DIS3L2: variants seen among roughly 807,000 people sequenced by gnomAD.
DIS3L2 encodes DIS3-like exonuclease 2.
DIS3L2 carries 34 observed loss-of-function variants against 97.5 expected under a neutral mutation model. The observed-to-expected ratio is 0.35, with a 90% CI of 0.27 to 0.46. The LOEUF is 0.46. DIS3L2 is among the 20% of genes least tolerant of loss of function. The pLI is 1.00. For missense variants in DIS3L2, 1,038 were observed against 1,146.0 expected, an observed-to-expected ratio of 0.91 and a Z score of 1.36; for synonymous variants, 435 against 445.2, an observed-to-expected ratio of 0.98 and a Z score of 0.29.
chr2:232,334,308 C>G (rs1695868085), intron 17 of DIS3L2, 61 bp from the exon 18 acceptor site: 6 of 1,572,388 alleles, frequency 3.8e-6, no homozygotes, highest in Non-Finnish European at 5.2e-6. Context: ...GCCCATCCCC[C>G]AGCCATAGCT....
chr2:232,191,086 A>C (rs2106195969), intron 9 of DIS3L2, among the ~76,000 whole-genome samples: 2 of 152,282 alleles, frequency 1.3e-5, no homozygotes, highest in South Asian at 4.1e-4. Context: ...GATTATAGTC[A>C]ACTGAGGAGG....
In DIS3L2 at chr2:232,320,814, T is replaced by C. The variant is rs1695411065; in HGVS notation, c.1740-8999T>C. On this transcript the variant is annotated intron_variant, in intron 14 of 20. Transcript: ENST00000325385. ...ATGTGCTGCTCAGCTCTGGGATACATAGATGGGCACGGCTAGGTGTTCCCC... is the reference window on the plus strand; with the variant it reads ...ATGTGCTGCTCAGCTCTGGGATACACAGATGGGCACGGCTAGGTGTTCCCC... 1.3e-5 allele frequency among the ~76,000 whole-genome samples: 2 copies of C among 152,170 alleles called. 1 individual carries two copies. The highest frequency in any genetic ancestry group is 4.1e-4 in the South Asian group (2 of 4,824).
intron 5 of DIS3L2, among the ~76,000 whole-genome samples, chr2:232,041,423 C>CT (rs1371505176): frequency 3.3e-5 from 5 of 152,136 alleles, no homozygotes; most frequent in African/African-American, 9.7e-5. Flanking sequence ...AAATGTGGGA[C>CT]TGTTTTGTTA....
At chr2:232,294,565 T>G (rs1325489343) in intron 13 of DIS3L2, among the ~76,000 whole-genome samples, 1 of 152,180 alleles carries the variant, frequency 6.6e-6, no homozygotes, top group Non-Finnish European at 1.5e-5. Context: ...CTCCATTCCT[T>G]GACTTCTTTT....
chr2:232,332,322 C>T (rs1246508226), intron 16 of DIS3L2, among the ~76,000 whole-genome samples: 13 of 152,114 alleles, frequency 8.5e-5, no homozygotes, highest in Admixed American at 2.6e-4. Context: ...AGTTAGGGAG[C>T]GGAGCAGGTC....
At chr2:232,205,146 C>T (rs1303274665) in intron 9 of DIS3L2, among the ~76,000 whole-genome samples, 1 of 151,438 alleles carries the variant, frequency 6.6e-6, no homozygotes, top group Non-Finnish European at 1.5e-5. Context: ...ATGTTGTAAT[C>T]TCTCAATATA....
At chr2:232,184,888 G>A (rs1457129319) in intron 9 of DIS3L2, among the ~76,000 whole-genome samples, 2 of 152,158 alleles carry the variant, frequency 1.3e-5, no homozygotes, top group East Asian at 3.9e-4. Context: ...ATAGTTCTCT[G>A]TCTTACCTAT....
At position 232,210,368 on chromosome 2, in the gene DIS3L2, C is replaced by A; in HGVS notation, c.1167C>A (p.Asp389Glu). ...CCATTGACCCATCAACCGCCCGAGA[C>A]CTCGATGATGCCCTCTCCTGCAAGC... ...IFTIDPSTAR[D>E]LDDALSCKPL... Residue 389 changes from aspartate to glutamate, a missense_variant, in exon 10 of 21, where the codon GAC (aspartate) becomes GAA (glutamate). Around this residue, in one of 3 missense-constraint regions of DIS3L2, gnomAD observed 813 missense variants for 880.1 expected, o/e 0.92. Coordinates refer to ENST00000325385, the MANE Select transcript of DIS3L2 (RefSeq NM_152383.5). 1 of 1,613,778 alleles carries A rather than the reference C, an allele frequency of 6.2e-7. No individual in the cohort carries two copies. The highest frequency in any genetic ancestry group is 1.7e-5 in the Admixed American group (1 of 60,024).
intron 13 of DIS3L2, among the ~76,000 whole-genome samples, chr2:232,287,256 A>G (rs1694458438): frequency 6.6e-6 from 1 of 152,052 alleles, no homozygotes; most frequent in Non-Finnish European, 1.5e-5. Flanking sequence ...CATTGTGTCT[A>G]GTTTCTTAAA....
intron 5 of DIS3L2, among the ~76,000 whole-genome samples, chr2:232,055,128 A>G (rs1695509335): frequency 6.6e-6 from 1 of 152,228 alleles, no homozygotes; most frequent in Non-Finnish European, 1.5e-5. Context: ...CCGACAGTAA[A>G]CATCATAGCT....
At chr2:231,965,374 A>G (rs1416519588) in intron 1 of DIS3L2, among the ~76,000 whole-genome samples, 2 of 152,108 alleles carry the variant, frequency 1.3e-5, no homozygotes, top group African/African-American at 4.8e-5. Flanking sequence ...TGTTTAGCCT[A>G]TCAGCCTTTG....
At chr2:232,329,775 A>G in intron 14 of DIS3L2, 38 bp from the exon 15 acceptor site, 1 of 1,402,244 alleles carries the variant, frequency 7.1e-7, no homozygotes, top group Non-Finnish European at 9.5e-7. Context: ...CTGTCCCCAA[A>G]CCCCAGCGGT....
chr2:232,065,682 T>C (rs952648328), intron 5 of DIS3L2, among the ~76,000 whole-genome samples: 3 of 152,010 alleles, frequency 2.0e-5, no homozygotes, highest in African/African-American at 7.2e-5. Flanking sequence ...TGATGGGAAA[T>C]TTAGAATTGA....
intron 5 of DIS3L2, among the ~76,000 whole-genome samples, chr2:232,084,991 A>T (rs1036254923): frequency 1.3e-5 from 2 of 152,192 alleles, no homozygotes; most frequent in African/African-American, 4.8e-5. Flanking sequence ...CTGTATTAAA[A>T]TGCTTTAGGA....
At chr2:232,022,447 T>A (rs1272620574) in intron 3 of DIS3L2, among the ~76,000 whole-genome samples, 4 of 152,190 alleles carry the variant, frequency 2.6e-5, no homozygotes, top group African/African-American at 9.7e-5. Context: ...CTCTTTTCCC[T>A]GGGCCCAGCC....
At chr2:232,318,549 CA>C (rs1438494624) in intron 14 of DIS3L2, among the ~76,000 whole-genome samples, 5 of 152,090 alleles carry the variant, frequency 3.3e-5, no homozygotes, top group Non-Finnish European at 7.4e-5. Context: ...TGACAAAGGC[CA>C]GGGGGGAGGT....
chr2:232,089,066 C>A (rs530728484), intron 6 of DIS3L2, among the ~76,000 whole-genome samples: 1 of 152,264 alleles, frequency 6.6e-6, no homozygotes, highest in East Asian at 1.9e-4. Context: ...GCATATGTCC[C>A]CCCAGCGTAA....
chr2:232,228,614 G>C (rs1459690704), intron 10 of DIS3L2, among the ~76,000 whole-genome samples: 1 of 152,096 alleles, frequency 6.6e-6, no homozygotes, highest in Non-Finnish European at 1.5e-5. Flanking sequence ...AATCCACCAG[G>C]AGAATTGACC....
chr2:232,086,635 A>ATGTATGTG (rs1696643477), intron 5 of DIS3L2, among the ~76,000 whole-genome samples: 1 of 53,330 alleles, frequency 1.9e-5, no homozygotes, highest in African/African-American at 9.6e-5. Context: ...ATATACACAT[A>ATGTATGTG]TATATATATG....
Sources: gnomAD v4.1 joint callset for allele counts (sites outside exome capture counted in the v4.1 genomes callset) on GRCh38, gnomAD v4.1.1 for gene constraint, gnomAD v4.1.1 regional missense constraint, MANE v1.5 for transcripts, NCBI Gene and HGNC (gene_info 2026-07-23, HGNC 2026-07-21) for gene names.